IGF2R: variants seen among roughly 807,000 people sequenced by gnomAD.
The protein encoded by IGF2R is cation-independent mannose-6-phosphate receptor.
In IGF2R, 91 loss-of-function variants were observed where a neutral mutation model predicts 270.6. The ratio of observed to expected loss-of-function variants is 0.34; its 90% confidence interval spans 0.28 to 0.40. IGF2R has a LOEUF of 0.40. Among genes scored for constraint, IGF2R ranks in the 10% least tolerant of loss-of-function variants. The pLI is 1.00. For synonymous variants in IGF2R, 1,316 were observed against 1,258.9 expected (o/e 1.05, Z -0.96); for missense variants, 2,805 against 3,188.3 (o/e 0.88, Z 2.90).
chr6:160,069,672 A>G (rs1465549106), intron 30 of IGF2R, among the ~76,000 whole-genome samples, 196 bp from the exon 31 acceptor site: 2 of 152,178 alleles, frequency 1.3e-5, no homozygotes, highest in Non-Finnish European at 2.9e-5. Context: ...CTGTGACAAA[A>G]CAGCATGTAA....
In IGF2R at chr6:159,999,279, C is replaced by T. The variant is rs183854236; in HGVS notation, c.289+7956C>T. On this transcript the variant is annotated intron_variant, in intron 2 of 47. Transcript: ENST00000356956. ...TTCGTGATAATTACCTGCTCTTACA[C>T]AAGGAACAGTAGATAAACTGGAAAT... 3.5e-3 allele frequency among the ~76,000 whole-genome samples: 531 copies of T among 152,282 alleles called. 4 individuals are homozygous for T. The highest frequency in any genetic ancestry group is 5.3e-3 in the Non-Finnish European group (358 of 68,034).
At chr6:160,028,424 G>A (rs1489207701) in intron 6 of IGF2R, among the ~76,000 whole-genome samples, 1 of 152,202 alleles carries the variant, frequency 6.6e-6, no homozygotes, top group African/African-American at 2.4e-5. Context: ...AAATTTTGAG[G>A]GGAAACAGTT....
At position 160,048,230 on chromosome 6, in the gene IGF2R, T is replaced by C. The variant is rs189749926; in HGVS notation, c.2346-145T>C. 35 of 770,134 alleles carry C rather than the reference T, an allele frequency of 4.5e-5. No individual in the cohort carries two copies. The Middle Eastern group carries it at 1.5e-3, about 33-fold the overall frequency. The allele number at this position is 770,134 out of a possible 1,614,324, so 47.7% of individuals were successfully genotyped here. A position where few individuals can be genotyped will look rare whatever the true frequency, so the allele number is the denominator to read the frequency against. ...GGTGGAGTGTAATCCTGGTGCGTCATGCGCCCAGACAAGCCAACTCCTGGT... is the reference window on the plus strand; with the variant it reads ...GGTGGAGTGTAATCCTGGTGCGTCACGCGCCCAGACAAGCCAACTCCTGGT... On this transcript the variant is annotated intron_variant, in intron 17 of 47. Transcript: ENST00000356956.
intron 36 of IGF2R, among the ~76,000 whole-genome samples, chr6:160,076,758 A>G (rs1778863368): frequency 6.6e-6 from 1 of 152,200 alleles, no homozygotes; most frequent in African/African-American, 2.4e-5. Flanking sequence ...GACTGAGGCT[A>G]TTTATGGTGT....
intron 16 of IGF2R, among the ~76,000 whole-genome samples, chr6:160,047,539 C>T (rs1369974935): frequency 6.6e-6 from 1 of 152,176 alleles, no homozygotes; most frequent in African/African-American, 2.4e-5. Flanking sequence ...ACAAGCCTGT[C>T]AGTTTTGGGT....
Position 160,076,032 on chromosome 6 carries a change from T to C in IGF2R, c.5316+36T>C, listed in dbSNP as rs375771036. 11 of 1,604,060 alleles carry C rather than the reference T, an allele frequency of 6.9e-6. No individual in the cohort carries two copies. The African/African-American group carries it at 8.0e-5, about 12-fold the overall frequency. On this transcript the variant is annotated intron_variant, in intron 36 of 47. Transcript: ENST00000356956. The stretch of plus-strand genomic sequence containing the variant: ...GCCTGTGACGATCTAGATGCTCAAC[T>C]GCGGGTTAGTGAGCCAAGGCTAGAC...
chr6:160,104,339 C>T (rs191792171), intron 47 of IGF2R, among the ~76,000 whole-genome samples: 1 of 152,030 alleles, frequency 6.6e-6, no homozygotes, highest in Admixed American at 6.6e-5. Flanking sequence ...CCTTCTCCCC[C>T]AGCTGCGCTG....
At chr6:160,090,994 G>T (rs1454405848) in intron 44 of IGF2R, among the ~76,000 whole-genome samples, 2 of 146,824 alleles carry the variant, frequency 1.4e-5, no homozygotes, top group Non-Finnish European at 3.0e-5. Flanking sequence ...TGAGCGCATC[G>T]CTGAGAAGGA....
intron 45 of IGF2R, among the ~76,000 whole-genome samples, chr6:160,101,556 C>A (rs1779485358): frequency 6.6e-6 from 1 of 152,252 alleles, no homozygotes; most frequent in Non-Finnish European, 1.5e-5. Context: ...TGGCCTGTTG[C>A]CCTCAACCTC....
chr6:159,983,591 A>G (rs1783837193), intron 1 of IGF2R, among the ~76,000 whole-genome samples: 1 of 152,214 alleles, frequency 6.6e-6, no homozygotes, highest in Non-Finnish European at 1.5e-5. Context: ...TGTTTCTGCC[A>G]CAGACTTTGC....
chr6:160,016,286 A>G (rs1030308582), intron 4 of IGF2R, among the ~76,000 whole-genome samples: 15 of 152,126 alleles, frequency 9.9e-5, no homozygotes, highest in African/African-American at 3.6e-4. Flanking sequence ...CCCTCCCCAG[A>G]ATGTTGCCCT....
chr6:160,003,657 A>G (rs1477799919), intron 2 of IGF2R: 1 of 152,228 alleles, frequency 6.6e-6, no homozygotes, highest in African/African-American at 2.4e-5. Context: ...TAACTATTTG[A>G]CTATCAGTCA....
intron 27 of IGF2R, 122 bp from the exon 28 acceptor site, chr6:160,064,279 C>T (rs1778507483): frequency 1.8e-6 from 2 of 1,118,256 alleles, no homozygotes; most frequent in Middle Eastern, 2.0e-4. Context: ...TGGTATGGTG[C>T]TGGGAGGCCA....
chr6:160,030,279 G>C (rs751523921), intron 7 of IGF2R, among the ~76,000 whole-genome samples: 1 of 152,230 alleles, frequency 6.6e-6, no homozygotes, highest in African/African-American at 2.4e-5. Flanking sequence ...GTCCCCCAGG[G>C]AGGGAGGGGT....
chr6:160,015,776 T>G (rs763571198), intron 4 of IGF2R, among the ~76,000 whole-genome samples: 3 of 152,166 alleles, frequency 2.0e-5, no homozygotes, highest in Non-Finnish European at 4.4e-5. Flanking sequence ...GGAAGGTGAT[T>G]AAATCATGGG....
At chr6:160,036,435 AG>A (rs1243003200) in intron 10 of IGF2R, among the ~76,000 whole-genome samples, 1 of 152,090 alleles carries the variant, frequency 6.6e-6, no homozygotes, top group Admixed American at 6.5e-5. Flanking sequence ...TCTGGCTCCC[AG>A]GTCACCCCAA....
chr6:160,046,604 C>T lies in IGF2R; in HGVS notation c.2010C>T (p.Ser670=). The T allele has an allele frequency of 1.2e-6, 2 of 1,613,580 alleles. No homozygotes were observed. Among genetic ancestry groups the T allele is most frequent in the Non-Finnish European group, 1.7e-6 (2 of 1,179,928 alleles). ...ATGTGTGTGGCCCGGTGTCTGTGAGCCCCTGTCAGCCAGACTCAGGAGCCT... is the reference window on the plus strand; with the variant it reads ...ATGTGTGTGGCCCGGTGTCTGTGAGTCCCTGTCAGCCAGACTCAGGAGCCT... ...YINVCGPVSV[S]PCQPDSGACQ... Residue 670 remains serine (S), a synonymous_variant, in exon 15 of 48, where the codon AGC becomes AGT. Transcript: ENST00000356956.
At chr6:160,060,863 T>C (rs1346779290) in intron 23 of IGF2R, 146 bp downstream of exon 23, 2 of 689,592 alleles carry the variant, frequency 2.9e-6, no homozygotes, top group African/African-American at 1.8e-5. Flanking sequence ...ACATTTCTGT[T>C]ATATATTCTC....
chr6:160,010,586 G>C (rs1380501408), intron 3 of IGF2R, 101 bp from the exon 4 acceptor site: 1 of 748,040 alleles, frequency 1.3e-6, no homozygotes, highest in Non-Finnish European at 2.2e-6. Flanking sequence ...TCTTGCTGCT[G>C]CTTTCTTTAT....
Sources: gnomAD v4.1 joint callset for allele counts (sites outside exome capture counted in the v4.1 genomes callset) on GRCh38, gnomAD v4.1.1 for gene constraint, MANE v1.5 for transcripts, NCBI Gene and HGNC (gene_info 2026-07-23, HGNC 2026-07-21) for gene names.